Variants in HDGFL3 observed in about 807,000 individuals in gnomAD.
HDGFL3 encodes the protein HDGF like 3.
In HDGFL3, 6 loss-of-function variants were observed where a neutral mutation model predicts 27.6. The observed-to-expected ratio is 0.22, with a 90% confidence interval of 0.12 to 0.43. HDGFL3 has a LOEUF of 0.43. Among genes scored for constraint, HDGFL3 ranks in the 20% least tolerant of loss-of-function variants. The pLI is 1.00. For missense variants in HDGFL3, 207 were observed against 250.1 expected (o/e 0.83, Z 1.16); for synonymous variants, 88 against 88.9 (o/e 0.99, Z 0.05).
intron 5 of HDGFL3, chr15:83,144,381 GC>G (rs1486188137): frequency 2.2e-6 from 1 of 455,394 alleles, no homozygotes; most frequent in Admixed American, 2.4e-5. Context: ...TTTAGTGTGG[GC>G]TGGACCTAGT....
intron 1 of HDGFL3, among the ~76,000 whole-genome samples, chr15:83,183,821 C>T (rs895213034): frequency 1.3e-5 from 2 of 151,796 alleles, no homozygotes; most frequent in African/African-American, 2.4e-5. Context: ...GTAAGGGTTT[C>T]CAGTTCTAAA....
At chr15:83,122,932 G>A (rs201943528), downstream of HDGFL3, 167 of 1,596,694 alleles carry the variant, frequency 1.0e-4, no homozygotes, top group Non-Finnish European at 1.3e-4. Context: ...GGGTTCTTTC[G>A]CATCCACTGG....
intron 4 of HDGFL3, among the ~76,000 whole-genome samples, chr15:83,156,476 G>A (rs565525442): frequency 6.6e-6 from 1 of 152,260 alleles, no homozygotes. Context: ...TAGACTAGGT[G>A]ATCAGGAAAT....
intron 2 of HDGFL3, among the ~76,000 whole-genome samples, chr15:83,161,232 GA>G (rs1022117376): frequency 6.6e-6 from 1 of 152,178 alleles, no homozygotes; most frequent in African/African-American, 2.4e-5. Context: ...GGGCAGGGGA[GA>G]AAGGGTCTCT....
chr15:83,190,438 G>A (rs573699696), intron 1 of HDGFL3, among the ~76,000 whole-genome samples: 41 of 152,220 alleles, frequency 2.7e-4, no homozygotes, highest in Admixed American at 7.2e-4. Context: ...TTGTATAAGA[G>A]TTTCTGTTCA....
chr15:83,121,694 C>T (rs908063814), intron 3 of HDGFL3, among the ~76,000 whole-genome samples: 3 of 152,070 alleles, frequency 2.0e-5, no homozygotes, highest in Admixed American at 6.5e-5. Context: ...ACATAGCAGG[C>T]GTAATTTCCT....
rs191656608 is a variant in HDGFL3, at chr15:83,112,771, C to A, written c.*2938G>T. Reference sequence around the variant, plus strand: ...ACCAATGTGTTTATTTTGATAGTGACCACCTCCCTGTTCTGGTCGTTGCAG... The same window carrying A: ...ACCAATGTGTTTATTTTGATAGTGAACACCTCCCTGTTCTGGTCGTTGCAG... On this transcript the variant is annotated 3_prime_UTR_variant, in exon 4 of 4. Transcript: ENST00000568294. 68 of 1,538,676 alleles carry A rather than the reference C, an allele frequency of 4.4e-5. No individual in the cohort carries two copies. In the African/African-American group the frequency reaches 8.6e-4, roughly 19 times the overall value.
At chr15:83,152,971 C>T (rs987158658) in intron 4 of HDGFL3, among the ~76,000 whole-genome samples, 1 of 148,474 alleles carries the variant, frequency 6.7e-6, no homozygotes, top group Non-Finnish European at 1.5e-5. Flanking sequence ...TTTCAAATAA[C>T]AGTCCTCGAT....
intron 3 of HDGFL3, among the ~76,000 whole-genome samples, chr15:83,118,739 T>C (rs962388158): frequency 3.9e-5 from 6 of 152,012 alleles, no homozygotes; most frequent in African/African-American, 1.5e-4. Context: ...CAGGACAGCA[T>C]GAACGTGGGA....
At chr15:83,201,822 T>C (rs777538207) in intron 1 of HDGFL3, among the ~76,000 whole-genome samples, 2 of 152,148 alleles carry the variant, frequency 1.3e-5, no homozygotes, top group Non-Finnish European at 2.9e-5. Context: ...AAAGTTCCTA[T>C]GAGCTCCCAG....
At chr15:83,205,820 A>T (rs569975574) in intron 1 of HDGFL3, among the ~76,000 whole-genome samples, 1 of 152,360 alleles carries the variant, frequency 6.6e-6, no homozygotes, top group South Asian at 2.1e-4. Context: ...TGCCTCTCTA[A>T]GCAATACTGT....
chr15:83,132,664 G>T lies in HDGFL3; in HGVS notation c.*6606C>A, dbSNP rs2036334791. On this transcript the variant is annotated 3_prime_UTR_variant, in exon 6 of 6. Transcript: ENST00000299633. ...CCGCCTTGGCATCCCAAAGTGCTGG[G>T]ATTATAGGTATGAGCCACCACGCTC... The T allele has an allele frequency of 2.6e-5, 4 of 152,226 alleles. No individual in the cohort carries two copies. The South Asian group carries it at 8.3e-4, about 32-fold the overall frequency. The allele number at this position is 152,226 out of a possible 1,614,324, so 9.4% of individuals were successfully genotyped here.
chr15:83,196,098 T>C (rs1246041014), intron 1 of HDGFL3, among the ~76,000 whole-genome samples: 1 of 151,880 alleles, frequency 6.6e-6, no homozygotes, highest in Non-Finnish European at 1.5e-5. Context: ...ATAATAGATA[T>C]GTTAGATTTA....
intron 1 of HDGFL3, among the ~76,000 whole-genome samples, chr15:83,178,422 T>C (rs1198454835): frequency 2.0e-5 from 3 of 152,196 alleles, no homozygotes; most frequent in Admixed American, 6.5e-5. Flanking sequence ...TTGACTCTTG[T>C]CATACTCTTA....
At chr15:83,122,771 C>T (rs201215963), downstream of HDGFL3, 54 of 1,613,620 alleles carry the variant, frequency 3.3e-5, no homozygotes, top group African/African-American at 5.3e-5. Flanking sequence ...GTATGGAACA[C>T]GAATTTGCCC....
downstream of HDGFL3, among the ~76,000 whole-genome samples, chr15:83,123,869 G>A (rs2035489904): frequency 6.6e-6 from 1 of 152,204 alleles, no homozygotes; most frequent in Non-Finnish European, 1.5e-5. Flanking sequence ...GACAGCCAGG[G>A]CCAAGCAGGC....
At chr15:83,178,393 T>A (rs569867780) in intron 1 of HDGFL3, among the ~76,000 whole-genome samples, 1 of 152,216 alleles carries the variant, frequency 6.6e-6, no homozygotes, top group Non-Finnish European at 1.5e-5. Flanking sequence ...TTCACTAGAA[T>A]AACCTCCTGA....
chr15:83,127,671 T>C (rs2035888015), downstream of HDGFL3: 1 of 532,694 alleles, frequency 1.9e-6, no homozygotes, highest in East Asian at 3.7e-5. Context: ...ATATGGTAGA[T>C]GTGCCATCCA....
At chr15:83,187,200 T>C (rs1351337979) in intron 1 of HDGFL3, among the ~76,000 whole-genome samples, 4 of 152,106 alleles carry the variant, frequency 2.6e-5, no homozygotes, top group African/African-American at 4.8e-5. Flanking sequence ...TGTTTGTTAA[T>C]TGAGTAAGTG....
Sources: gnomAD v4.1 joint callset for allele counts (sites outside exome capture counted in the v4.1 genomes callset) on GRCh38, gnomAD v4.1.1 for gene constraint, MANE v1.5 for transcripts, NCBI Gene and HGNC (gene_info 2026-07-23, HGNC 2026-07-21) for gene names.